Variants in TCF12 observed in about 807,000 individuals in gnomAD.
The protein encoded by TCF12 is transcription factor 12.
A neutral mutation model predicts 86.0 loss-of-function variants in TCF12; 45 were observed. That is an observed-to-expected ratio of 0.52 (90% CI 0.41 to 0.67). The LOEUF is 0.67. Ranked by LOEUF, TCF12 falls within the 30% of genes least tolerant of loss-of-function variation. The pLI is 0.00. For missense variants in TCF12, 881 were observed against 859.9 expected, an observed-to-expected ratio of 1.02 and a Z score of -0.31; for synonymous variants, 330 against 299.6, an observed-to-expected ratio of 1.10 and a Z score of -1.05.
intron 3 of TCF12, among the ~76,000 whole-genome samples, chr15:56,943,056 A>G (rs1252638072): frequency 2.6e-5 from 4 of 152,226 alleles, no homozygotes. Flanking sequence ...ATTCCTTCCT[A>G]TACCTTATTC....
At chr15:57,177,533 A>G (rs2056012022) in intron 6 of TCF12, among the ~76,000 whole-genome samples, 1 of 150,640 alleles carries the variant, frequency 6.6e-6, no homozygotes, top group Non-Finnish European at 1.5e-5. Flanking sequence ...AGCCTCTCAA[A>G]GTGTTGGGAT....
At chr15:57,083,268 T>G (rs184033616) in intron 4 of TCF12, among the ~76,000 whole-genome samples, 42 of 152,302 alleles carry the variant, frequency 2.8e-4, no homozygotes, top group Non-Finnish European at 4.9e-4. Context: ...ATGTACATTT[T>G]AATATGTCTG....
chr15:57,139,323 C>A (rs903896490), intron 5 of TCF12, among the ~76,000 whole-genome samples: 2 of 152,096 alleles, frequency 1.3e-5, no homozygotes, highest in Non-Finnish European at 2.9e-5. Flanking sequence ...ATTACATACA[C>A]TAAATTTTCA....
intron 3 of TCF12, among the ~76,000 whole-genome samples, chr15:56,999,333 T>A (rs1417098408): frequency 1.3e-5 from 2 of 152,140 alleles, no homozygotes; most frequent in Non-Finnish European, 2.9e-5. Context: ...AGTTTCCTTT[T>A]TTATAGATCA....
At chr15:57,039,767 G>T (rs1315643501) in intron 3 of TCF12, among the ~76,000 whole-genome samples, 3 of 152,050 alleles carry the variant, frequency 2.0e-5, no homozygotes, top group African/African-American at 7.2e-5. Context: ...CCATTTATTT[G>T]TACAGTTTTG....
intron 3 of TCF12, among the ~76,000 whole-genome samples, chr15:57,042,983 T>G (rs1341428033): frequency 6.6e-6 from 1 of 152,228 alleles, no homozygotes; most frequent in African/African-American, 2.4e-5. Context: ...ATACTTCATA[T>G]AAGTGGAATT....
chr15:57,121,525 A>G (rs2051229486), intron 5 of TCF12, among the ~76,000 whole-genome samples: 1 of 152,188 alleles, frequency 6.6e-6, no homozygotes. Context: ...AAGTGGCTCA[A>G]GGTCGAAAGG....
rs970644709 is a variant in TCF12, at chr15:57,086,730, A to G, written c.223-5059A>G. 3.0e-4 allele frequency among the ~76,000 whole-genome samples: 44 copies of G among 146,840 alleles called. 1 individual carries two copies. The East Asian group carries it at 8.3e-3, about 28-fold the overall frequency. ...TAAAAAAAAAAAAAAAAAAAAGGCC[A>G]TTGAAAAGAATTGAAAAATTTTTTA... is the stretch of plus-strand genomic sequence containing the variant. On this transcript the variant is annotated intron_variant, in intron 4 of 20. Coordinates refer to ENST00000333725, the MANE Select transcript of TCF12 (RefSeq NM_207037.2).
chr15:57,247,547 C>A, intron 13 of TCF12: 2 of 929,224 alleles, frequency 2.2e-6, no homozygotes, highest in South Asian at 1.3e-5. Context: ...AAAAGCAAAT[C>A]CTGTCTTTTT....
intron 1 of TCF12, 158 bp downstream of exon 1, chr15:56,919,064 G>A (rs961992547): frequency 5.9e-5 from 9 of 151,840 alleles, no homozygotes; most frequent in Non-Finnish European, 1.2e-4. Context: ...CCAAGTTGGG[G>A]AGCGGAGTGG....
chr15:56,962,354 T>A (rs1229720779), intron 3 of TCF12, among the ~76,000 whole-genome samples: 1 of 152,206 alleles, frequency 6.6e-6, no homozygotes, highest in East Asian at 1.9e-4. Context: ...GTTTAAACAC[T>A]ACTCCGGATT....
At chr15:57,051,036 T>C (rs2067578448) in intron 3 of TCF12, among the ~76,000 whole-genome samples, 1 of 152,260 alleles carries the variant, frequency 6.6e-6, no homozygotes, top group African/African-American at 2.4e-5. Context: ...ACACATGTAG[T>C]AATTTTTAAT....
intron 3 of TCF12, among the ~76,000 whole-genome samples, chr15:56,991,148 C>T (rs556106276): frequency 1.7e-3 from 257 of 152,250 alleles, no homozygotes; most frequent in African/African-American, 5.9e-3. Flanking sequence ...CTCCCAAGCT[C>T]GCCTTACGTA....
chr15:57,053,931 C>T (rs2067809201), intron 3 of TCF12, among the ~76,000 whole-genome samples: 1 of 152,064 alleles, frequency 6.6e-6, no homozygotes, highest in Admixed American at 6.6e-5. Context: ...GGGTGTGTGG[C>T]ATTTGGTTTT....
intron 5 of TCF12, among the ~76,000 whole-genome samples, chr15:57,095,227 A>G (rs1438855885): frequency 1.3e-5 from 2 of 152,204 alleles, no homozygotes; most frequent in African/African-American, 4.8e-5. Context: ...CTTTGACCGT[A>G]GCAGTGAATC....
chr15:57,159,222 C>T (rs189119152), intron 5 of TCF12, among the ~76,000 whole-genome samples: 388 of 152,286 alleles, frequency 2.5e-3, no homozygotes, highest in Non-Finnish European at 4.3e-3. Context: ...ATGTTACTTT[C>T]CTAGTTGACT....
intron 3 of TCF12, among the ~76,000 whole-genome samples, chr15:56,963,636 C>G (rs896691590): frequency 1.3e-5 from 2 of 152,182 alleles, no homozygotes; most frequent in African/African-American, 4.8e-5. Flanking sequence ...GGCTTTCATA[C>G]TTTAGGGCAT....
Position 57,166,403 on chromosome 15 carries a change from A to C in TCF12, c.327A>C (p.Gly109=), listed in dbSNP as rs763621637. The C allele has an allele frequency of 1.2e-6, 2 of 1,611,078 alleles. No individual in the cohort carries two copies. Among genetic ancestry groups the C allele is most frequent in the South Asian group, 1.1e-5 (1 of 90,132 alleles). The change falls in exon 6 of 21, where the codon GGA becomes GGC. Residue 109 remains glycine (G), a splice_region_variant and synonymous_variant. Coordinates refer to ENST00000333725, the MANE Select transcript of TCF12 (RefSeq NM_207037.2). ...PTPFMNSNLM[G]KTSERGSFSL... Reference sequence around the variant, plus strand: ...AAAGTTAATTTCTTTGTTTTATAGGAAAAACATCAGAGAGAGGCTCATTTT... The same window carrying C: ...AAAGTTAATTTCTTTGTTTTATAGGCAAAACATCAGAGAGAGGCTCATTTT...
intron 5 of TCF12, among the ~76,000 whole-genome samples, chr15:57,122,742 A>C (rs2051329228): frequency 6.6e-6 from 1 of 152,204 alleles, no homozygotes; most frequent in South Asian, 2.1e-4. Context: ...TGTTAAATAC[A>C]ATTAAATTTG....
Sources: allele counts gnomAD v4.1 joint callset (sites outside exome capture counted in the v4.1 genomes callset), GRCh38; gene constraint gnomAD v4.1.1; transcripts MANE v1.5; gene names NCBI Gene and HGNC (gene_info 2026-07-23, HGNC 2026-07-21).